NCSTN: variants seen among roughly 807,000 people sequenced by gnomAD.
The protein encoded by NCSTN is anterior pharynx-defective 2.
NCSTN carries 22 observed loss-of-function variants against 87.0 expected under a neutral mutation model. The observed-to-expected ratio is 0.25, with a 90% CI of 0.18 to 0.36. The LOEUF is 0.36. Among genes scored for constraint, NCSTN ranks in the 10% least tolerant of loss-of-function variants. The probability of loss-of-function intolerance (pLI) is 1.00; values close to 1 mark genes in which losing one functional copy is unlikely to be tolerated. For synonymous variants in NCSTN, 306 were observed against 327.1 expected, an observed-to-expected ratio of 0.94 and a Z score of 0.69; for missense variants, 693 against 883.3, an observed-to-expected ratio of 0.78 and a Z score of 2.73.
intron 5 of NCSTN, 135 bp from the exon 6 acceptor site, chr1:160,351,087 T>A: frequency 1.1e-6 from 1 of 900,458 alleles, no homozygotes; most frequent in South Asian, 1.4e-5. Flanking sequence ...AGGATAACTA[T>A]AGCTCAGGGA....
intron 10 of NCSTN, 58 bp downstream of exon 10, chr1:160,353,295 C>T (rs943123756): frequency 4.3e-6 from 7 of 1,612,608 alleles, no homozygotes; most frequent in African/African-American, 1.3e-5. Flanking sequence ...CAGACCCCAA[C>T]CCCTGCCCTG....
At chr1:160,352,644 A>T (rs1648919571) in intron 8 of NCSTN, among the ~76,000 whole-genome samples, 1 of 152,198 alleles carries the variant, frequency 6.6e-6, no homozygotes, top group South Asian at 2.1e-4. Context: ...TTCATCTTAG[A>T]CCTTTACTAA....
chr1:160,356,631 C>G lies in NCSTN; in HGVS notation c.1671C>G (p.Val557=), dbSNP rs1649142552. The G allele has an allele frequency of 1.9e-6, 3 of 1,614,114 alleles. No individual in the cohort carries two copies. In the East Asian group the frequency reaches 6.7e-5, roughly 36 times the overall value. The change falls in exon 15 of 17, where the codon GTC becomes GTG. Residue 557 remains valine, a synonymous_variant. Transcript: ENST00000294785. ...GDGPLQHYIA[V]SSPTNTTYVV... is the part of the protein sequence containing the mutation. ...GGCCTCTTCAACATTACATCGCTGT[C>G]TCCAGCCCCACCAACACCACTTATG...
At chr1:160,356,418 C>T in intron 14 of NCSTN, 71 bp downstream of exon 14, 1 of 1,477,528 alleles carries the variant, frequency 6.8e-7, no homozygotes, top group East Asian at 2.3e-5. Context: ...TTGGTTTAAC[C>T]TTTATTATTT....
Position 160,357,059 on chromosome 1 carries a change from G to T in NCSTN, c.1813G>T (p.Val605Phe). 6.2e-7 allele frequency: 1 copy of T among 1,613,918 alleles called. No individual in the cohort carries two copies. The highest frequency in any genetic ancestry group is 8.5e-7 in the Non-Finnish European group (1 of 1,179,880). ...TGTGCAGCTGTATGAGTACTCATGG[G>T]TCCAGGGCCCTTTGCATTCTAATGA... is the stretch of plus-strand genomic sequence containing the variant. The part of the protein sequence containing the change: ...ENKDLYEYSW[V>F]QGPLHSNETD... Residue 605 changes from valine to phenylalanine, a missense_variant, in exon 16 of 17, where the codon GTC (valine) becomes TTC (phenylalanine). Val to Phe is a conservative substitution (Grantham distance 50). Coordinates refer to ENST00000294785, the MANE Select transcript of NCSTN (RefSeq NM_015331.3).
chr1:160,343,952 AG>A, intron 1 of NCSTN: 1 of 123,334 alleles, frequency 8.1e-6, no homozygotes, highest in South Asian at 1.0e-4. Context: ...GCCTTGCCTC[AG>A]GTTTTTTTTT....
chr1:160,356,182 C>A, intron 13 of NCSTN, 78 bp from the exon 14 acceptor site: 3 of 1,308,648 alleles, frequency 2.3e-6, no homozygotes, highest in Non-Finnish European at 3.3e-6. Context: ...TGCCCCATGA[C>A]TGGGTCTCCA....
chr1:160,358,492 C>T lies in NCSTN; in HGVS notation c.*221C>T. On this transcript the variant is annotated 3_prime_UTR_variant, in exon 17 of 17. Coordinates refer to ENST00000294785, the MANE Select transcript of NCSTN (RefSeq NM_015331.3). The stretch of plus-strand genomic sequence containing the variant: ...CATCACCCCTTCCCCATTTCCTCTT[C>T]CTTCTCTACTCATGCCAGATTTTGG... 4 of 615,884 alleles carry T rather than the reference C, an allele frequency of 6.5e-6. No homozygotes were observed. The highest frequency in any genetic ancestry group is 1.1e-5 in the Non-Finnish European group (4 of 350,042). The allele number at this position is 615,884 out of a possible 1,614,324, so 38.2% of individuals were successfully genotyped here.
At chr1:160,351,462 G>A (rs1338380047) in intron 6 of NCSTN, 90 bp downstream of exon 6, 1 of 1,477,024 alleles carries the variant, frequency 6.8e-7, no homozygotes. Flanking sequence ...ACTGTAATAG[G>A]GAAGGAGTAG....
intron 1 of NCSTN, 59 bp downstream of exon 1, chr1:160,343,540 C>G (rs3737794): frequency 0.072 from 106,437 of 1,477,840 alleles, 7,907 homozygotes; most frequent in African/African-American, 0.38. Context: ...ATCGGCCCCG[C>G]CGCGACCGCC....
At chr1:160,343,619 C>T in intron 1 of NCSTN, 138 bp downstream of exon 1, 1 of 880,804 alleles carries the variant, frequency 1.1e-6, no homozygotes, top group Admixed American at 2.0e-5. Flanking sequence ...CTTTTTCGTT[C>T]CCACGACAGA....
At chr1:160,352,350 C>T in intron 8 of NCSTN, 144 bp downstream of exon 8, 1 of 1,002,014 alleles carries the variant, frequency 1.0e-6, no homozygotes, top group Non-Finnish European at 1.5e-6. Flanking sequence ...CATGTGTCTC[C>T]CCTTTAGATT....
At chr1:160,356,817 C>G in intron 15 of NCSTN, 63 bp downstream of exon 15, 1 of 1,597,570 alleles carries the variant, frequency 6.3e-7, no homozygotes, top group Non-Finnish European at 8.6e-7. Flanking sequence ...GTTGGAGGTT[C>G]TTCTAGACCT....
intron 8 of NCSTN, 74 bp from the exon 9 acceptor site, chr1:160,352,813 G>A (rs1018417929): frequency 1.7e-6 from 2 of 1,160,168 alleles, no homozygotes; most frequent in South Asian, 1.2e-5. Context: ...CAGCTTTGAT[G>A]ATCTGGCCGC....
At chr1:160,344,966 G>A in intron 2 of NCSTN, 140 bp downstream of exon 2, 2 of 761,262 alleles carry the variant, frequency 2.6e-6, no homozygotes, top group Non-Finnish European at 4.6e-6. Flanking sequence ...CGTCTGTCAA[G>A]CTAGGCAAGA....
At position 160,358,289 on chromosome 1, in the gene NCSTN, C is replaced by T. The variant is rs10059; in HGVS notation, c.*18C>T. On this transcript the variant is annotated 3_prime_UTR_variant, in exon 17 of 17. Coordinates refer to ENST00000294785, the MANE Select transcript of NCSTN (RefSeq NM_015331.3). ...CATACTGAGGAGGACCCCAGCTTTTCTTGCCAGCTCAGCAGTTCACTTCCT... is the reference window on the plus strand; with the variant it reads ...CATACTGAGGAGGACCCCAGCTTTTTTTGCCAGCTCAGCAGTTCACTTCCT... The T allele has an allele frequency of 8.1e-6, 13 of 1,613,978 alleles. No homozygotes were observed. Among genetic ancestry groups the T allele is most frequent in the Non-Finnish European group, 1.1e-5 (13 of 1,180,012 alleles).
At chr1:160,353,130 C>G (rs771760093) in intron 9 of NCSTN, 30 bp from the exon 10 acceptor site, 2 of 1,609,742 alleles carry the variant, frequency 1.2e-6, no homozygotes, top group African/African-American at 2.7e-5. Flanking sequence ...GAGACTGATT[C>G]TAAGTGTTGT....
intron 2 of NCSTN, among the ~76,000 whole-genome samples, chr1:160,345,534 G>C (rs1384277569): frequency 2.0e-5 from 3 of 152,030 alleles, no homozygotes; most frequent in African/African-American, 7.2e-5. Context: ...GTTTTTTAAG[G>C]AGAAAAAAGT....
At chr1:160,355,539 C>A in intron 11 of NCSTN, 116 bp from the exon 12 acceptor site, 1 of 806,936 alleles carries the variant, frequency 1.2e-6, no homozygotes, top group East Asian at 2.5e-5. Flanking sequence ...TCTCTCACCC[C>A]TTTCTTCTGA....
Sources: allele counts gnomAD v4.1 joint callset (sites outside exome capture counted in the v4.1 genomes callset), GRCh38; gene constraint gnomAD v4.1.1; transcripts MANE v1.5; gene names NCBI Gene and HGNC (gene_info 2026-07-23, HGNC 2026-07-21).